TSPAN12: variants seen among roughly 807,000 people sequenced by gnomAD.
TSPAN12 encodes tetraspanin 12.
TSPAN12 carries 19 observed loss-of-function variants against 39.2 expected under a neutral mutation model. The observed-to-expected ratio is 0.49, with a 90% CI of 0.34 to 0.71. The LOEUF is 0.71. Among genes scored for constraint, TSPAN12 ranks in the 30% least tolerant of loss-of-function variants. The pLI is 0.01. For synonymous variants in TSPAN12, 119 were observed against 124.8 expected (o/e 0.95, Z 0.31); for missense variants, 314 against 359.9 (o/e 0.87, Z 1.03).
chr7:120,846,625 TG>T (rs1794674875), intron 2 of TSPAN12, among the ~76,000 whole-genome samples: 2 of 152,186 alleles, frequency 1.3e-5, no homozygotes, highest in Non-Finnish European at 2.9e-5. Flanking sequence ...AATCATATAT[TG>T]GTCACCCACT....
intron 7 of TSPAN12, among the ~76,000 whole-genome samples, chr7:120,798,164 G>A (rs1562937657): frequency 6.6e-6 from 1 of 152,188 alleles, no homozygotes; most frequent in South Asian, 2.1e-4. Context: ...AAGAAAAGAA[G>A]AATGCATTTG....
chr7:120,849,714 T>G (rs760764959), intron 2 of TSPAN12, among the ~76,000 whole-genome samples: 1 of 152,204 alleles, frequency 6.6e-6, no homozygotes, highest in Non-Finnish European at 1.5e-5. Context: ...ATGGGAAAAT[T>G]GGACCAGAAG....
rs1311539662 is a variant in TSPAN12, at chr7:120,795,624, C to T, written c.613-6727G>A. On this transcript the variant is annotated intron_variant, in intron 7 of 7. Coordinates refer to ENST00000222747, the MANE Select transcript of TSPAN12 (RefSeq NM_012338.4). ...AATAAAATCTAGGTGCCAATACATG[C>T]CAATATTAATATTTTTGTAAATAAA... 3.3e-5 allele frequency among the ~76,000 whole-genome samples: 5 copies of T among 152,026 alleles called. No homozygotes were observed. The East Asian group carries it at 9.6e-4, about 29-fold the overall frequency.
At chr7:120,827,783 G>T (rs1323112904) in intron 4 of TSPAN12, among the ~76,000 whole-genome samples, 1 of 152,186 alleles carries the variant, frequency 6.6e-6, no homozygotes, top group African/African-American at 2.4e-5. Context: ...TGTTCTCCAA[G>T]TTTGTCTAAG....
chr7:120,831,076 C>A (rs1405971091), intron 4 of TSPAN12, among the ~76,000 whole-genome samples: 2 of 151,844 alleles, frequency 1.3e-5, no homozygotes, highest in African/African-American at 2.4e-5. Context: ...TAGGAAAACA[C>A]AAATTCAAAC....
chr7:120,806,134 C>A (rs1050782264), intron 7 of TSPAN12, among the ~76,000 whole-genome samples: 22 of 151,708 alleles, frequency 1.5e-4, no homozygotes, highest in African/African-American at 4.6e-4. Context: ...TGGAGAGGTT[C>A]TTTTTTTTCC....
At chr7:120,800,744 G>GTTTT (rs148802163) in intron 7 of TSPAN12, among the ~76,000 whole-genome samples, 1,957 of 118,584 alleles carry the variant, frequency 0.017, 470 homozygotes, top group African/African-American at 0.028. Context: ...TTTCCTTATC[G>GTTTT]TTTTTTTTTG....
rs181007115 is a variant in TSPAN12 at position 120,814,046 on chromosome 7, G to A, written c.360+1683C>T. 3 of 348,118 alleles carry A rather than the reference G, an allele frequency of 8.6e-6. No homozygotes were observed. The Admixed American group carries it at 1.1e-4, about 13-fold the overall frequency. 21.6% of individuals were successfully genotyped at this position (348,118 alleles called of 1,614,324 possible). On this transcript the variant is annotated intron_variant, in intron 5 of 7. Coordinates refer to ENST00000222747, the MANE Select transcript of TSPAN12 (RefSeq NM_012338.4). ...TTGGAAGCATGAGTGTCTTCACAGA[G>A]ATACATATGTGTGAGTGTGCCAAAG...
At chr7:120,804,671 C>T (rs990568506) in intron 7 of TSPAN12, among the ~76,000 whole-genome samples, 1 of 152,042 alleles carries the variant, frequency 6.6e-6, no homozygotes, top group African/African-American at 2.4e-5. Flanking sequence ...TGGATTATGT[C>T]CTCCCAAAAT....
intron 6 of TSPAN12, 118 bp downstream of exon 6, chr7:120,810,345 G>GA (rs1793954098): frequency 1.4e-6 from 1 of 727,286 alleles, no homozygotes; most frequent in Admixed American, 2.0e-5. Context: ...AGAGGTTACT[G>GA]AATCACAGGC....
chr7:120,788,412 G>A lies in TSPAN12; in HGVS notation c.*180C>T. 1 of 695,428 alleles carries A rather than the reference G, an allele frequency of 1.4e-6. No individual in the cohort carries two copies. The highest frequency in any genetic ancestry group is 2.4e-6 in the Non-Finnish European group (1 of 418,194). 43.1% of individuals were successfully genotyped at this position (695,428 alleles called of 1,614,324 possible). On this transcript the variant is annotated 3_prime_UTR_variant, in exon 8 of 8. Transcript: ENST00000222747. ...TTTAAGGGCATCAATTATTGTCCAG[G>A]TGGTGACTTATGACATGAAACTTTT...
intron 5 of TSPAN12, chr7:120,814,112 A>G: frequency 2.3e-6 from 1 of 441,716 alleles, no homozygotes; most frequent in Middle Eastern, 3.6e-4. Flanking sequence ...AGTAGCCACT[A>G]GTCTGTGGTT....
At chr7:120,801,044 C>T (rs1423238568) in intron 7 of TSPAN12, among the ~76,000 whole-genome samples, 1 of 152,154 alleles carries the variant, frequency 6.6e-6, no homozygotes, top group Admixed American at 6.6e-5. Flanking sequence ...CCCCAGCCTC[C>T]CAAAGTGTTG....
chr7:120,814,277 C>G, intron 5 of TSPAN12: 1 of 456,552 alleles, frequency 2.2e-6, no homozygotes, highest in Non-Finnish European at 4.4e-6. Context: ...ATCTTTCTCT[C>G]TTCTGGAGAC....
chr7:120,794,959 T>G (rs1001901807), intron 7 of TSPAN12, among the ~76,000 whole-genome samples: 3 of 152,234 alleles, frequency 2.0e-5, no homozygotes, highest in African/African-American at 7.2e-5. Flanking sequence ...GGTTTACATT[T>G]TTCAGTGTAA....
At chr7:120,801,333 C>G (rs951520148) in intron 7 of TSPAN12, among the ~76,000 whole-genome samples, 2 of 152,152 alleles carry the variant, frequency 1.3e-5, no homozygotes, top group African/African-American at 4.8e-5. Flanking sequence ...TCAATGTTTT[C>G]TAGCATTGGG....
At chr7:120,806,221 T>C (rs1793870418) in intron 7 of TSPAN12, among the ~76,000 whole-genome samples, 1 of 152,048 alleles carries the variant, frequency 6.6e-6, no homozygotes, top group African/African-American at 2.4e-5. Flanking sequence ...CCTCTGCTTC[T>C]TGCACATCCA....
At chr7:120,821,816 C>T (rs371895218) in intron 4 of TSPAN12, among the ~76,000 whole-genome samples, 25 of 152,062 alleles carry the variant, frequency 1.6e-4, no homozygotes, top group Non-Finnish European at 3.5e-4. Context: ...ATGAGAATGA[C>T]GGTGTATAAA....
rs572693202 is a variant in TSPAN12, at chr7:120,815,914, T to C, written c.286-111A>G. On this transcript the variant is annotated intron_variant, in intron 4 of 7. Transcript: ENST00000222747. ...TGACCAAGAAAACAGAGGCAAGTTT[T>C]CATGAAGCCCCTCAGAAGCAGATGG... The C allele has an allele frequency of 7.9e-6, 7 of 890,484 alleles. No homozygotes were observed. In the East Asian group the frequency reaches 1.9e-4, roughly 24 times the overall value. The allele number at this position is 890,484 out of a possible 1,614,324, so 55.2% of individuals were successfully genotyped here. A position where few individuals can be genotyped will look rare whatever the true frequency, so the allele number is the denominator to read the frequency against.
Sources: allele counts gnomAD v4.1 joint callset (sites outside exome capture counted in the v4.1 genomes callset), GRCh38; gene constraint gnomAD v4.1.1; transcripts MANE v1.5; gene names NCBI Gene and HGNC (gene_info 2026-07-23, HGNC 2026-07-21).